The following UTP4 variants were observed in gnomAD, a reference collection of about 807,000 sequenced individuals.
The protein encoded by UTP4 is U3 small nucleolar RNA-associated protein 4 homolog.
A neutral mutation model predicts 82.4 loss-of-function variants in UTP4; 45 were observed. That is an observed-to-expected ratio of 0.55 (90% confidence interval 0.43 to 0.70). UTP4 has a LOEUF of 0.70. Ranked by LOEUF, UTP4 falls within the 30% of genes least tolerant of loss-of-function variation. The pLI is 0.00. For missense variants in UTP4, 819 were observed against 858.3 expected (o/e 0.95, Z 0.57); for synonymous variants, 348 against 300.3 (o/e 1.16, Z -1.64).
In UTP4 at chr16:69,151,063, A is replaced by G. The variant is rs189545437; in HGVS notation, c.1002+159A>G. Among the ~76,000 whole-genome samples the G allele has an allele frequency of 3.4e-3, 505 of 149,082 alleles. 2 individuals are homozygous for G. Among genetic ancestry groups the G allele is most frequent in the Non-Finnish European group, 3.4e-3 (229 of 67,188 alleles). ...CTCTTGTTGCCCAGGCTGGAGTGCAATGGCGCGATCTCGGCTCACCACAAC... is the reference window on the plus strand; with the variant it reads ...CTCTTGTTGCCCAGGCTGGAGTGCAGTGGCGCGATCTCGGCTCACCACAAC... On this transcript the variant is annotated intron_variant, in intron 8 of 16. Coordinates refer to ENST00000314423, the MANE Select transcript of UTP4 (RefSeq NM_032830.3).
At chr16:69,165,301 A>T in intron 14 of UTP4, 40 bp from the exon 15 acceptor site, 1 of 1,582,788 alleles carries the variant, frequency 6.3e-7, no homozygotes, top group Non-Finnish European at 8.7e-7. Flanking sequence ...GGTCTTTCTG[A>T]GTACCAGCCT....
chr16:69,158,634 C>T lies in UTP4; in HGVS notation c.1444+1394C>T, dbSNP rs535907456. The stretch of plus-strand genomic sequence containing the variant: ...CTTATATCTAGCTCTCCTTGAGATT[C>T]GACTCTACATTATGTATATGACTTT... On this transcript the variant is annotated intron_variant, in intron 12 of 16. Coordinates refer to ENST00000314423, the MANE Select transcript of UTP4 (RefSeq NM_032830.3). Among the ~76,000 whole-genome samples, 192 of 152,202 alleles carry T rather than the reference C, an allele frequency of 1.3e-3. 1 individual carries two copies. The highest frequency in any genetic ancestry group is 2.5e-3 in the Non-Finnish European group (167 of 67,994).
At chr16:69,165,062 G>A (rs897667738) in intron 14 of UTP4, among the ~76,000 whole-genome samples, 5 of 152,048 alleles carry the variant, frequency 3.3e-5, no homozygotes, top group South Asian at 2.1e-4. Flanking sequence ...GGGCGTACTC[G>A]TGGGCGCCTA....
chr16:69,144,398 C>CA (rs1288947278), intron 6 of UTP4, among the ~76,000 whole-genome samples: 1 of 151,028 alleles, frequency 6.6e-6, no homozygotes, highest in Non-Finnish European at 1.5e-5. Flanking sequence ...CCATGATGGC[C>CA]AGGGTGGTCT....
chr16:69,139,639 A>AAAATAAATAAATAAATAAATAAAT (rs60340195), intron 4 of UTP4, 186 bp from the exon 5 acceptor site: 1 of 166,524 alleles, frequency 6.0e-6, no homozygotes, highest in Admixed American at 6.8e-5. Context: ...CTCCGTCTCA[A>AAAATAAATAAATAAATAAATAAAT]AAATAAATAA....
chr16:69,147,948 TTTTG>T (rs956265167), intron 6 of UTP4, among the ~76,000 whole-genome samples: 87 of 151,752 alleles, frequency 5.7e-4, no homozygotes, highest in African/African-American at 2.0e-3. Flanking sequence ...TGTTTTGTTG[TTTTG>T]TTTGTTTGTT....
intron 6 of UTP4, among the ~76,000 whole-genome samples, chr16:69,145,480 T>C (rs1406360919): frequency 1.3e-5 from 2 of 152,142 alleles, no homozygotes; most frequent in Admixed American, 6.6e-5. Context: ...TTTGAACTCC[T>C]GACCTCAGGT....
At chr16:69,135,720 AAAAT>A (rs1026154133) in intron 2 of UTP4, among the ~76,000 whole-genome samples, 15 of 152,156 alleles carry the variant, frequency 9.9e-5, no homozygotes, top group South Asian at 2.1e-4. Context: ...TGTGTCAAAA[AAAAT>A]AAATAAATAA....
chr16:69,165,502 G>T lies in UTP4; in HGVS notation c.1809G>T (p.Met603Ile). The stretch of plus-strand genomic sequence containing the variant: ...ACATCCTTCTCCATGATGCCTACAT[G>T]TTCTGCATCATTGACAAGTCATTGG... ...PMHILLHDAY[M>I]FCIIDKSLPL... Residue 603 changes from methionine (M) to isoleucine (I), a missense_variant, in exon 15 of 17, where the codon ATG becomes ATT. Coordinates refer to ENST00000314423, the MANE Select transcript of UTP4 (RefSeq NM_032830.3). The T allele has an allele frequency of 6.2e-7, 1 of 1,613,992 alleles. No homozygotes were observed. Among genetic ancestry groups the T allele is most frequent in the Non-Finnish European group, 8.5e-7 (1 of 1,179,880 alleles).
At position 69,150,633 on chromosome 16, in the gene UTP4, C is replaced by T; in HGVS notation, c.835C>T (p.Arg279Trp). Residue 279 changes from arginine to tryptophan, a missense_variant, in exon 7 of 17, where the codon CGG (arginine) becomes TGG (tryptophan). Coordinates refer to ENST00000314423, the MANE Select transcript of UTP4 (RefSeq NM_032830.3). ...TSNSSEKQWV[R>W]TKPFQHHTHD... ...TAACAGCAGTGAGAAGCAGTGGGTG[C>T]GGACAAAACCGTTCCAGCATCACAC... The T allele has an allele frequency of 6.2e-7, 1 of 1,614,204 alleles. No individual in the cohort carries two copies. Among genetic ancestry groups the T allele is most frequent in the Non-Finnish European group, 8.5e-7 (1 of 1,180,040 alleles).
intron 11 of UTP4, 72 bp from the exon 12 acceptor site, chr16:69,157,012 T>G: frequency 2.6e-6 from 4 of 1,519,796 alleles, no homozygotes; most frequent in Non-Finnish European, 3.7e-6. Flanking sequence ...ACCTTAAGCC[T>G]AGCTGTGATT....
intron 6 of UTP4, among the ~76,000 whole-genome samples, chr16:69,144,634 G>A (rs1283204794): frequency 1.3e-5 from 2 of 152,226 alleles, no homozygotes; most frequent in Non-Finnish European, 2.9e-5. Flanking sequence ...GTTTGAGAAT[G>A]ATGTGCTATC....
At chr16:69,154,269 C>G (rs1963352377) in intron 9 of UTP4, 124 bp from the exon 10 acceptor site, 3 of 749,934 alleles carry the variant, frequency 4.0e-6, no homozygotes, top group African/African-American at 1.8e-5. Flanking sequence ...ACTCAGTGAG[C>G]TTGTATTTTT....
At position 69,138,458 on chromosome 16, in the gene UTP4, G is replaced by A. The variant is rs529709027; in HGVS notation, c.436+573G>A. Reference sequence around the variant, plus strand: ...TCACCATGTTGGCCAGGCTGGTCTCGAACTCTTGGTCTTACTCAAGTGATC... The same window carrying A: ...TCACCATGTTGGCCAGGCTGGTCTCAAACTCTTGGTCTTACTCAAGTGATC... On this transcript the variant is annotated intron_variant, in intron 4 of 16. Coordinates refer to ENST00000314423, the MANE Select transcript of UTP4 (RefSeq NM_032830.3). Among the ~76,000 whole-genome samples, 4 of 152,166 alleles carry A rather than the reference G, an allele frequency of 2.6e-5. No homozygotes were observed. In the East Asian group the frequency reaches 5.8e-4, roughly 22 times the overall value.
At chr16:69,148,804 C>T (rs1963187243) in intron 6 of UTP4, among the ~76,000 whole-genome samples, 1 of 151,868 alleles carries the variant, frequency 6.6e-6, no homozygotes, top group African/African-American at 2.4e-5. Flanking sequence ...TGCAGTCTCA[C>T]TATGTTGCCC....
At chr16:69,137,429 C>T (rs550340922) in intron 3 of UTP4, among the ~76,000 whole-genome samples, 1 of 152,222 alleles carries the variant, frequency 6.6e-6, no homozygotes, top group Non-Finnish European at 1.5e-5. Context: ...CTAATTTGCA[C>T]GATATCTGAA....
chr16:69,167,688 C>T (rs1481147464), intron 16 of UTP4: 23 of 161,594 alleles, frequency 1.4e-4, no homozygotes, highest in Non-Finnish European at 4.0e-5. Context: ...TCAAATGACT[C>T]AAATGTGATT....
chr16:69,147,001 C>CAA (rs71148965), intron 6 of UTP4, among the ~76,000 whole-genome samples: 3,727 of 85,696 alleles, frequency 0.043, 175 homozygotes, highest in African/African-American at 0.12. Flanking sequence ...GACTCTGCCT[C>CAA]AAAAAAAAAA....
At chr16:69,137,356 C>G (rs1962837698) in intron 3 of UTP4, among the ~76,000 whole-genome samples, 1 of 152,152 alleles carries the variant, frequency 6.6e-6, no homozygotes. Context: ...CCCATAATTA[C>G]CATTAGAGTG....
Sources: gnomAD v4.1 joint callset for allele counts (sites outside exome capture counted in the v4.1 genomes callset) on GRCh38, gnomAD v4.1.1 for gene constraint, MANE v1.5 for transcripts, NCBI Gene and HGNC (gene_info 2026-07-23, HGNC 2026-07-21) for gene names.